MYO16: variants seen among roughly 807,000 people sequenced by gnomAD.
The protein encoded by MYO16 is unconventional myosin-XVI.
A neutral mutation model predicts 205.3 loss-of-function variants in MYO16; 94 were observed. The ratio of observed to expected loss-of-function variants is 0.46; its 90% CI spans 0.39 to 0.54. MYO16 has a LOEUF of 0.54. MYO16 is among the 20% of genes least tolerant of loss of function. The pLI is 0.00. For synonymous variants in MYO16, 988 were observed against 954.0 expected, an observed-to-expected ratio of 1.04 and a Z score of -0.66; for missense variants, 2,315 against 2,387.5, an observed-to-expected ratio of 0.97 and a Z score of 0.63.
intron 20 of MYO16, among the ~76,000 whole-genome samples, chr13:108,978,472 A>G (rs1884347998): frequency 6.6e-6 from 1 of 151,932 alleles, no homozygotes; most frequent in African/African-American, 2.4e-5. Context: ...TTCTTTCTTT[A>G]TTAGGAAGAT....
At chr13:108,719,701 C>G (rs185588338) in intron 3 of MYO16, among the ~76,000 whole-genome samples, 43 of 152,350 alleles carry the variant, frequency 2.8e-4, no homozygotes, top group Admixed American at 5.9e-4. Flanking sequence ...TCAAGACAAG[C>G]TCCTGTGTTC....
intron 7 of MYO16, among the ~76,000 whole-genome samples, chr13:108,817,558 A>G (rs551254907): frequency 2.0e-5 from 3 of 152,276 alleles, no homozygotes; most frequent in East Asian, 3.9e-4. Context: ...GAAATGTTCT[A>G]TATCTTATTT....
At chr13:108,966,337 G>GA (rs1329078870) in intron 20 of MYO16, among the ~76,000 whole-genome samples, 10 of 152,174 alleles carry the variant, frequency 6.6e-5, no homozygotes, top group Admixed American at 6.5e-4. Flanking sequence ...AGTTGACACT[G>GA]AAAAAATGAA....
At chr13:108,665,390 G>A (rs1290382979) in intron 1 of MYO16, among the ~76,000 whole-genome samples, 1 of 152,058 alleles carries the variant, frequency 6.6e-6, no homozygotes, top group Non-Finnish European at 1.5e-5. Context: ...GGGATTACAG[G>A]CTTCAGCCAT....
chr13:108,554,676 C>T, the MYO16 span, among the ~76,000 whole-genome samples: 3 of 151,938 alleles, frequency 2.0e-5, no homozygotes, highest in Non-Finnish European at 2.9e-5. Context: ...GGTGAAACCC[C>T]GTCTCTGCTA....
At chr13:108,666,251 C>G in intron 2 of MYO16, 102 bp downstream of exon 2, 1 of 1,302,650 alleles carries the variant, frequency 7.7e-7, no homozygotes. Context: ...CAGAAAAGTC[C>G]TTTTAAATAT....
At chr13:108,545,648 C>T in the MYO16 span, among the ~76,000 whole-genome samples, 1 of 152,222 alleles carries the variant, frequency 6.6e-6, no homozygotes, top group Admixed American at 6.5e-5. Context: ...CTCTTCACAA[C>T]CTCACCAGCA....
the MYO16 span, among the ~76,000 whole-genome samples, chr13:108,524,525 C>G: frequency 6.6e-6 from 1 of 152,092 alleles, no homozygotes; most frequent in South Asian, 2.1e-4. Context: ...TAAACATCTT[C>G]TTTTTAAAAA....
intron 27 of MYO16, among the ~76,000 whole-genome samples, chr13:109,094,617 T>C (rs1489066934): frequency 6.6e-6 from 1 of 152,228 alleles, no homozygotes; most frequent in Non-Finnish European, 1.5e-5. Flanking sequence ...TGGTTGTTTG[T>C]TGCACCTATC....
intron 16 of MYO16, among the ~76,000 whole-genome samples, chr13:108,946,640 G>A (rs1882952904): frequency 6.6e-6 from 1 of 152,164 alleles, no homozygotes; most frequent in Admixed American, 6.5e-5. Context: ...ATATTTAAAT[G>A]TATGAATAAG....
intron 21 of MYO16, among the ~76,000 whole-genome samples, chr13:109,006,262 C>T (rs1289241297): frequency 2.0e-5 from 3 of 152,082 alleles, no homozygotes; most frequent in African/African-American, 4.8e-5. Context: ...TTATTTGAGA[C>T]GGAGTCTTGC....
intron 15 of MYO16, among the ~76,000 whole-genome samples, chr13:108,907,327 T>C (rs946461308): frequency 6.6e-6 from 1 of 152,190 alleles, no homozygotes; most frequent in African/African-American, 2.4e-5. Context: ...TATGAATATA[T>C]GGACACTTGT....
At chr13:108,795,002 A>G (rs895378075) in intron 6 of MYO16, among the ~76,000 whole-genome samples, 31 of 152,078 alleles carry the variant, frequency 2.0e-4, no homozygotes, top group African/African-American at 7.5e-4. Flanking sequence ...AAATTTTTGC[A>G]TTTATTAAGT....
chr13:109,145,655 T>C (rs556263254), intron 32 of MYO16, among the ~76,000 whole-genome samples: 1 of 152,266 alleles, frequency 6.6e-6, no homozygotes, highest in Non-Finnish European at 1.5e-5. Context: ...AATATTATTA[T>C]GCTAATTATT....
chr13:108,614,456 A>G (rs1335192663), intron 1 of MYO16, among the ~76,000 whole-genome samples: 1 of 152,100 alleles, frequency 6.6e-6, no homozygotes, highest in Non-Finnish European at 1.5e-5. Context: ...GACTTTTTGC[A>G]GAAATTGACA....
the MYO16 span, among the ~76,000 whole-genome samples, chr13:108,505,718 T>C: frequency 1.3e-5 from 2 of 152,214 alleles, no homozygotes; most frequent in African/African-American, 2.4e-5. Flanking sequence ...CCTGTGCTTT[T>C]GGTGTCATCA....
chr13:108,531,247 A>G, the MYO16 span, among the ~76,000 whole-genome samples: 2 of 152,208 alleles, frequency 1.3e-5, no homozygotes, highest in African/African-American at 4.8e-5. Flanking sequence ...CTTTGTTCTT[A>G]GAGAAATGTG....
At chr13:108,857,781 T>C (rs1485067775) in intron 11 of MYO16, among the ~76,000 whole-genome samples, 1 of 152,224 alleles carries the variant, frequency 6.6e-6, no homozygotes, top group Non-Finnish European at 1.5e-5. Flanking sequence ...CCTATGTTTT[T>C]ATCAAACTCC....
At chr13:108,753,250 A>G (rs547701698) in intron 4 of MYO16, among the ~76,000 whole-genome samples, 4 of 151,774 alleles carry the variant, frequency 2.6e-5, no homozygotes, top group African/African-American at 9.7e-5. Context: ...GGCGCCTGTA[A>G]TCCCAGCGAC....
Sources: gnomAD v4.1 joint callset for allele counts (sites outside exome capture counted in the v4.1 genomes callset) on GRCh38, gnomAD v4.1.1 for gene constraint, MANE v1.5 for transcripts, NCBI Gene and HGNC (gene_info 2026-07-23, HGNC 2026-07-21) for gene names.